The following SHC2 variants were observed in gnomAD, a reference collection of about 807,000 sequenced individuals.
The protein encoded by SHC2 is SHC-transforming protein 2.
In SHC2, 62 loss-of-function variants were observed where a neutral mutation model predicts 60.6. That is an observed-to-expected ratio of 1.02 (90% CI 0.83 to 1.26). The LOEUF (loss-of-function observed/expected upper bound fraction) is 1.26, where lower values mean the gene tolerates loss of function less well. SHC2 is among the 50% of genes most tolerant of loss of function. SHC2 has a pLI of 0.00. For synonymous variants in SHC2, 375 were observed against 372.4 expected (o/e 1.01, Z -0.08); for missense variants, 873 against 822.2 (o/e 1.06, Z -0.76).
chr19:450,175 G>A (rs973366820), intron 1 of SHC2, among the ~76,000 whole-genome samples: 1 of 152,158 alleles, frequency 6.6e-6, no homozygotes, highest in African/African-American at 2.4e-5. Flanking sequence ...GGCGCTACAG[G>A]AGGGGGGGGA....
chr19:422,853 G>A lies in SHC2; in HGVS notation c.1310-397C>T, dbSNP rs559745356. 5.8e-6 allele frequency: 1 copy of A among 172,316 alleles called. No individual in the cohort carries two copies. The highest frequency in any genetic ancestry group is 2.4e-5 in the African/African-American group (1 of 42,128). 10.7% of individuals were successfully genotyped at this position (172,316 alleles called of 1,614,324 possible). ...CCTCCAATGTGCCCTAAATACTCAA[G>A]ACGACAGCCGGCACCCCTCTCTTGC... On this transcript the variant is annotated intron_variant, in intron 10 of 12. Transcript: ENST00000264554. The surrounding 1 kb of genome is among the most constrained non-coding windows in gnomAD (Gnocchi z 5.0).
chr19:442,129 A>G (rs1178598900), intron 1 of SHC2, among the ~76,000 whole-genome samples: 2 of 152,188 alleles, frequency 1.3e-5, no homozygotes, highest in African/African-American at 4.8e-5. Flanking sequence ...CAGGGCATGG[A>G]CTAAGCAGCC....
At chr19:457,962 C>T (rs971996338) in intron 1 of SHC2, among the ~76,000 whole-genome samples, 2 of 138,880 alleles carry the variant, frequency 1.4e-5, no homozygotes, top group South Asian at 4.4e-4. Context: ...CCCGGGGAGG[C>T]GGAAGCGGGT....
chr19:419,793 C>G (rs1029111618), intron 11 of SHC2: 2 of 151,618 alleles, frequency 1.3e-5, no homozygotes, highest in Non-Finnish European at 2.9e-5. Flanking sequence ...TTGAACGAGA[C>G]CCTCTTAGCG....
intron 11 of SHC2, chr19:419,686 T>C (rs1327764706): frequency 6.6e-6 from 1 of 152,254 alleles, no homozygotes; most frequent in South Asian, 2.1e-4. Context: ...ACTTCGTGTG[T>C]GGTCATTTGG....
At chr19:455,601 G>A (rs541843224) in intron 1 of SHC2, among the ~76,000 whole-genome samples, 14 of 152,330 alleles carry the variant, frequency 9.2e-5, no homozygotes, top group Admixed American at 4.6e-4. Flanking sequence ...TGAGTCGCCC[G>A]GCCCATCCAC....
chr19:445,570 C>T lies in SHC2; in HGVS notation c.469-4638G>A, dbSNP rs1473344316. On this transcript the variant is annotated intron_variant, in intron 1 of 12. Coordinates refer to ENST00000264554, the MANE Select transcript of SHC2 (RefSeq NM_012435.3). The surrounding 1 kb of genome is among the most constrained non-coding windows in gnomAD (Gnocchi z 4.4). ...GCAATGTAATGAGGCCTCATCTCTA[C>T]AAAAGAAAAATTTTTAATTAGCTGA... Among the ~76,000 whole-genome samples, 2 of 152,090 alleles carry T rather than the reference C, an allele frequency of 1.3e-5. No homozygotes were observed. Among genetic ancestry groups the T allele is most frequent in the African/African-American group, 4.8e-5 (2 of 41,404 alleles).
chr19:454,632 C>A (rs1297184674), intron 1 of SHC2, among the ~76,000 whole-genome samples: 1 of 152,166 alleles, frequency 6.6e-6, no homozygotes, highest in Non-Finnish European at 1.5e-5. Context: ...ACTGAAAATA[C>A]AAACAAAATT....
In SHC2 at chr19:457,209, AC is replaced by A. The variant is rs1460184542; in HGVS notation, c.468+3319del. ...GCCCCGACTAGAACTCTGTCTGCAA[AC>A]CCCACCACATCAGGCCTTTGCACCT... is the stretch of plus-strand genomic sequence containing the variant. On this transcript the variant is annotated intron_variant, in intron 1 of 12. Transcript: ENST00000264554. Among the ~76,000 whole-genome samples, 259 of 116,744 alleles carry A rather than the reference AC, an allele frequency of 2.2e-3. 3 individuals are homozygous for A. The highest frequency in any genetic ancestry group is 9.2e-3 in the African/African-American group (237 of 25,692). The allele number at this position is 116,744 out of a possible 152,430, so 76.6% of individuals were successfully genotyped here.
chr19:450,687 G>A (rs753597208), intron 1 of SHC2, among the ~76,000 whole-genome samples: 16 of 152,306 alleles, frequency 1.1e-4, no homozygotes, highest in South Asian at 4.1e-4. Context: ...TCTTGGCCGC[G>A]TCGTATTTCA....
chr19:453,481 A>G lies in SHC2; in HGVS notation c.468+7048T>C, dbSNP rs1307029035. Among the ~76,000 whole-genome samples the G allele has an allele frequency of 6.6e-6, 1 of 152,126 alleles. No individual in the cohort carries two copies. The highest frequency in any genetic ancestry group is 1.5e-5 in the Non-Finnish European group (1 of 68,012). ...GAGACAGGGTTTCACCAAGCTGCCC[A>G]GGCTGGTCTCAAACTCCTGGGCTCA... On this transcript the variant is annotated intron_variant, in intron 1 of 12. Coordinates refer to ENST00000264554, the MANE Select transcript of SHC2 (RefSeq NM_012435.3). The surrounding 1 kb of genome is among the most constrained non-coding windows in gnomAD (Gnocchi z 6.3).
intron 1 of SHC2, among the ~76,000 whole-genome samples, chr19:458,343 A>AGAAGCGGGTTCCGGGGAGGCG (rs1568300670): frequency 5.8e-4 from 23 of 39,726 alleles, no homozygotes; most frequent in Non-Finnish European, 5.9e-4. Flanking sequence ...CCGGGGAGAC[A>AGAAGCGGGTTCCGGGGAGGCG]GAAGCGGGTT....
rs559298120 is a variant in SHC2 at position 442,322 on chromosome 19, G to T, written c.469-1390C>A. 2.7e-5 allele frequency among the ~76,000 whole-genome samples: 4 copies of T among 149,314 alleles called. No individual in the cohort carries two copies. The South Asian group carries it at 8.7e-4, about 33-fold the overall frequency. On this transcript the variant is annotated intron_variant, in intron 1 of 12. Transcript: ENST00000264554. ...ATGGATGGACAGGCAGATGGACAAT[G>T]AATGGATGGGTGGGTGGATGGATGG...
Position 440,785 on chromosome 19 carries a change from C to A in SHC2, c.539+77G>T. 7.7e-7 allele frequency: 1 copy of A among 1,304,576 alleles called. No homozygotes were observed. The highest frequency in any genetic ancestry group is 1.1e-6 in the Non-Finnish European group (1 of 903,400). The allele number at this position is 1,304,576 out of a possible 1,614,324, so 80.8% of individuals were successfully genotyped here. ...CCAGCGCGGCTGTCGGAGAGCCCAT[C>A]GCTGCCGCCCTCCAGTGCTGCCGCC... On this transcript the variant is annotated intron_variant, in intron 2 of 12. Coordinates refer to ENST00000264554, the MANE Select transcript of SHC2 (RefSeq NM_012435.3). This position sits in a 1 kb window ranked among gnomAD's most constrained non-coding sequence, Gnocchi z 7.0.
chr19:434,922 T>G, intron 7 of SHC2, 57 bp from the exon 8 acceptor site: 1 of 1,536,302 alleles, frequency 6.5e-7, no homozygotes, highest in Non-Finnish European at 8.8e-7. Flanking sequence ...GGCTAAAGCC[T>G]TACGGCTTGA....
intron 11 of SHC2, among the ~76,000 whole-genome samples, chr19:421,412 A>AAAAAAAAG (rs1974269079): frequency 1.4e-5 from 2 of 144,598 alleles, no homozygotes; most frequent in East Asian, 4.3e-4. Context: ...AAAAAAAAAA[A>AAAAAAAAG]AAAAGAAAAG....
intron 1 of SHC2, among the ~76,000 whole-genome samples, chr19:450,907 G>A (rs1391081426): frequency 6.8e-6 from 1 of 148,134 alleles, no homozygotes; most frequent in Non-Finnish European, 1.5e-5. Context: ...TTCAGCGTGT[G>A]GATGGCCATG....
chr19:444,927 G>A lies in SHC2; in HGVS notation c.469-3995C>T, dbSNP rs1568294194. ...CCCCTCGGGAAACAGGCCCGGGTGGGAGGGTGACTGACCTCCTGGGCCACA... is the reference window on the plus strand; with the variant it reads ...CCCCTCGGGAAACAGGCCCGGGTGGAAGGGTGACTGACCTCCTGGGCCACA... On this transcript the variant is annotated intron_variant, in intron 1 of 12. Transcript: ENST00000264554. Among the ~76,000 whole-genome samples, 4 of 152,234 alleles carry A rather than the reference G, an allele frequency of 2.6e-5. No individual in the cohort carries two copies. In the South Asian group the frequency reaches 6.2e-4, roughly 24 times the overall value.
intron 11 of SHC2, 32 bp from the exon 12 acceptor site, chr19:419,088 G>A (rs368160529): frequency 5.2e-5 from 81 of 1,549,654 alleles, no homozygotes; most frequent in South Asian, 2.1e-4. Flanking sequence ...ATCAGCTCCC[G>A]GGAGCCCGCC....
Sources: allele counts gnomAD v4.1 joint callset (sites outside exome capture counted in the v4.1 genomes callset), GRCh38; gene constraint gnomAD v4.1.1; non-coding constraint Gnocchi (gnomAD v3.1); transcripts MANE v1.5; gene names NCBI Gene and HGNC (gene_info 2026-07-23, HGNC 2026-07-21).